The following LRP1B variants were observed in gnomAD, a reference collection of about 807,000 sequenced individuals.
LRP1B encodes the protein LDL receptor related protein 1B.
A neutral mutation model predicts 556.6 loss-of-function variants in LRP1B; 217 were observed. That is an observed-to-expected ratio of 0.39 (90% CI 0.35 to 0.44). LRP1B has a LOEUF of 0.44. LRP1B is among the 20% of genes least tolerant of loss of function. LRP1B has a pLI of 1.00. For missense variants in LRP1B, 5,053 were observed against 5,620.8 expected, an observed-to-expected ratio of 0.90 and a Z score of 3.23; for synonymous variants, 2,047 against 1,865.8, an observed-to-expected ratio of 1.10 and a Z score of -2.50.
intron 35 of LRP1B, among the ~76,000 whole-genome samples, chr2:140,731,048 T>C (rs1270705466): frequency 1.3e-5 from 2 of 152,188 alleles, no homozygotes; most frequent in Non-Finnish European, 2.9e-5. Context: ...CTCATCTCTT[T>C]ACCTTTTCTC....
At chr2:141,990,239 A>G (rs116710328) in intron 1 of LRP1B, among the ~76,000 whole-genome samples, 396 of 152,218 alleles carry the variant, frequency 2.6e-3, no homozygotes, top group African/African-American at 5.8e-3. Flanking sequence ...CTATAATCAG[A>G]TAAACAACAT....
chr2:141,429,654 C>A (rs1277423807), intron 3 of LRP1B, among the ~76,000 whole-genome samples: 1 of 152,112 alleles, frequency 6.6e-6, no homozygotes, highest in Non-Finnish European at 1.5e-5. Flanking sequence ...CTCCCGCCCT[C>A]CAACAGGCCC....
At chr2:140,398,554 T>C (rs1039993631) in intron 66 of LRP1B, among the ~76,000 whole-genome samples, 1 of 152,138 alleles carries the variant, frequency 6.6e-6, no homozygotes, top group African/African-American at 2.4e-5. Flanking sequence ...TGAGAAAGGG[T>C]GTCTTCCTGT....
chr2:140,280,857 A>G (rs1682884883), intron 84 of LRP1B, among the ~76,000 whole-genome samples: 1 of 151,828 alleles, frequency 6.6e-6, no homozygotes, highest in South Asian at 2.1e-4. Flanking sequence ...AAGAAAGTAG[A>G]GTGAACCATG....
chr2:142,081,897 T>C (rs957062878), intron 1 of LRP1B, among the ~76,000 whole-genome samples: 5 of 152,160 alleles, frequency 3.3e-5, no homozygotes. Context: ...TCAGCCCTAT[T>C]TTACAGAGGG....
intron 87 of LRP1B, among the ~76,000 whole-genome samples, chr2:140,244,753 A>G (rs1681082975): frequency 6.7e-6 from 1 of 150,348 alleles, no homozygotes. Context: ...ATAAATTGAT[A>G]GTAATTAGGC....
chr2:140,503,574 G>A (rs1389842503), intron 53 of LRP1B, among the ~76,000 whole-genome samples: 1 of 151,920 alleles, frequency 6.6e-6, no homozygotes, highest in African/African-American at 2.4e-5. Flanking sequence ...GTTAAAATGA[G>A]AAAAATTTAA....
intron 86 of LRP1B, chr2:140,269,504 T>C: frequency 2.6e-6 from 1 of 392,138 alleles, no homozygotes; most frequent in Non-Finnish European, 5.1e-6. Context: ...ATATGCGCAC[T>C]TCTCTCTCAA....
intron 3 of LRP1B, among the ~76,000 whole-genome samples, chr2:141,268,658 G>A (rs1393624107): frequency 1.3e-5 from 2 of 152,120 alleles, no homozygotes; most frequent in African/African-American, 4.8e-5. Flanking sequence ...GTGGAATGCG[G>A]TGGGAACATA....
At chr2:140,569,640 A>G (rs1020112736) in intron 43 of LRP1B, among the ~76,000 whole-genome samples, 3 of 151,978 alleles carry the variant, frequency 2.0e-5, no homozygotes, top group Admixed American at 6.6e-5. Flanking sequence ...GAGGATCTAG[A>G]TAGACATTCA....
At chr2:141,477,276 C>T (rs1291052778) in intron 3 of LRP1B, among the ~76,000 whole-genome samples, 3 of 140,924 alleles carry the variant, frequency 2.1e-5, no homozygotes, top group African/African-American at 5.3e-5. Flanking sequence ...TAAAAATAAC[C>T]GAGTTAGACA....
chr2:141,619,026 C>G (rs571125050), intron 2 of LRP1B, among the ~76,000 whole-genome samples: 1 of 152,274 alleles, frequency 6.6e-6, no homozygotes, highest in African/African-American at 2.4e-5. Flanking sequence ...GCTATGATCT[C>G]CCAAGGCTGT....
intron 2 of LRP1B, among the ~76,000 whole-genome samples, chr2:141,689,595 T>C (rs1200979280): frequency 6.6e-6 from 1 of 151,840 alleles, no homozygotes; most frequent in East Asian, 1.9e-4. Flanking sequence ...AAACTCATAA[T>C]AAACAGCTCA....
rs1258504908 is a variant in LRP1B at position 141,162,437 on chromosome 2, G to A, written c.1013+25984C>T. 2.6e-5 allele frequency among the ~76,000 whole-genome samples: 4 copies of A among 152,152 alleles called. No individual in the cohort carries two copies. In the East Asian group the frequency reaches 7.8e-4, roughly 30 times the overall value. On this transcript the variant is annotated intron_variant, in intron 7 of 90. Transcript: ENST00000389484. The stretch of plus-strand genomic sequence containing the variant: ...TCCAGAATGCAAACAACCTGGTGCT[G>A]CTGTTTATCTTTTCAATGATGTCTG...
intron 6 of LRP1B, among the ~76,000 whole-genome samples, chr2:141,213,349 C>T (rs113259013): frequency 7.9e-5 from 12 of 152,148 alleles, no homozygotes; most frequent in East Asian, 3.9e-4. Context: ...ATCAAAGTAA[C>T]GTAATTATTC....
intron 2 of LRP1B, among the ~76,000 whole-genome samples, chr2:141,728,143 A>G (rs751773953): frequency 1.3e-5 from 2 of 152,180 alleles, no homozygotes; most frequent in Non-Finnish European, 2.9e-5. Context: ...AGGAACTTGC[A>G]AAGAAGAGTG....
At chr2:141,324,761 A>G (rs1687375190) in intron 3 of LRP1B, among the ~76,000 whole-genome samples, 1 of 152,096 alleles carries the variant, frequency 6.6e-6, no homozygotes, top group Admixed American at 6.6e-5. Flanking sequence ...ATTTTATTAT[A>G]TTTTAAAATT....
intron 2 of LRP1B, among the ~76,000 whole-genome samples, chr2:141,645,988 C>T (rs944372981): frequency 7.9e-5 from 12 of 152,112 alleles, no homozygotes; most frequent in African/African-American, 2.4e-4. Flanking sequence ...CGCAACCCCA[C>T]AGGATTTAAA....
chr2:140,486,334 A>G (rs958111103), intron 58 of LRP1B, among the ~76,000 whole-genome samples: 4 of 152,042 alleles, frequency 2.6e-5, no homozygotes, highest in Non-Finnish European at 4.4e-5. Context: ...AAGTGGCAAT[A>G]TGCACATTTG....
Sources: allele counts gnomAD v4.1 joint callset (sites outside exome capture counted in the v4.1 genomes callset), GRCh38; gene constraint gnomAD v4.1.1; transcripts MANE v1.5; gene names NCBI Gene and HGNC (gene_info 2026-07-23, HGNC 2026-07-21).